Variants in RFC1 observed in about 807,000 individuals in gnomAD.
RFC1 encodes the protein replication factor C subunit 1, also known as A1 140 kDa subunit.
Under a neutral mutation model 137.4 loss-of-function variants are expected in RFC1, and 37 were observed. The observed-to-expected ratio is 0.27, with a 90% CI of 0.21 to 0.35. The LOEUF (loss-of-function observed/expected upper bound fraction) is 0.35. Among genes scored for constraint, RFC1 ranks in the 10% least tolerant of loss-of-function variants. RFC1 has a pLI of 1.00. For synonymous variants in RFC1, 429 were observed against 455.7 expected, an observed-to-expected ratio of 0.94 and a Z score of 0.75; for missense variants, 1,205 against 1,358.5, an observed-to-expected ratio of 0.89 and a Z score of 1.78.
chr4:39,324,327 C>G (rs1353923655), intron 6 of RFC1, among the ~76,000 whole-genome samples: 1 of 152,092 alleles, frequency 6.6e-6, no homozygotes, highest in Non-Finnish European at 1.5e-5. Flanking sequence ...ATAAATTACC[C>G]AAACAAGATT....
At chr4:39,303,973 TATAAA>T (rs1738504397) in intron 15 of RFC1, among the ~76,000 whole-genome samples, 1 of 152,208 alleles carries the variant, frequency 6.6e-6, no homozygotes, top group African/African-American at 2.4e-5. Flanking sequence ...ACTTTGCACA[TATAAA>T]ATAATAGCTA....
intron 3 of RFC1, 118 bp from the exon 4 acceptor site, chr4:39,342,585 T>A: frequency 2.1e-6 from 2 of 957,800 alleles, no homozygotes; most frequent in Non-Finnish European, 3.1e-6. Flanking sequence ...ACATGTCTTC[T>A]GTGAATTCTC....
chr4:39,303,298 GAAA>G (rs756287750), intron 15 of RFC1, 147 bp from the exon 16 acceptor site: 562 of 404,332 alleles, frequency 1.4e-3, no homozygotes, highest in East Asian at 2.0e-3. Context: ...TGTTGTTAAA[GAAA>G]AAAAAAAAAA....
intron 15 of RFC1, among the ~76,000 whole-genome samples, chr4:39,304,329 C>A (rs1442051717): frequency 1.3e-5 from 2 of 152,198 alleles, no homozygotes; most frequent in Non-Finnish European, 2.9e-5. Context: ...TCTTCCACCT[C>A]CAAATAGTTT....
intron 15 of RFC1, 92 bp from the exon 16 acceptor site, chr4:39,303,243 T>C: frequency 1.2e-6 from 1 of 810,814 alleles, no homozygotes; most frequent in Non-Finnish European, 2.1e-6. Flanking sequence ...GTAACAGATA[T>C]TAAACTTCAA....
intron 24 of RFC1, 21 bp from the exon 25 acceptor site, chr4:39,288,865 A>G: frequency 6.9e-7 from 1 of 1,446,344 alleles, no homozygotes. Context: ...GAAGATAACA[A>G]AATAGTTAAT....
At chr4:39,298,201 G>A (rs1738133924) in intron 21 of RFC1, among the ~76,000 whole-genome samples, 1 of 151,386 alleles carries the variant, frequency 6.6e-6, no homozygotes, top group Non-Finnish European at 1.5e-5. Flanking sequence ...CCAGCTACTT[G>A]CAGGGCTGAG....
At position 39,288,726 on chromosome 4, in the gene RFC1, G is replaced by A. The variant is rs749722940; in HGVS notation, c.*35C>T. On this transcript the variant is annotated 3_prime_UTR_variant, in exon 25 of 25. Coordinates refer to ENST00000349703, the MANE Select transcript of RFC1 (RefSeq NM_002913.5). Reference sequence around the variant, plus strand: ...GACCAGCTGGACTGGTCAGGAGGGAGAGTAAAAAGTGGCTGTCGCTAGTGA... The same window carrying A: ...GACCAGCTGGACTGGTCAGGAGGGAAAGTAAAAAGTGGCTGTCGCTAGTGA... The A allele has an allele frequency of 1.6e-5, 22 of 1,333,362 alleles. No individual in the cohort carries two copies. The highest frequency in any genetic ancestry group is 3.6e-4 in the Middle Eastern group (2 of 5,546). The allele number at this position is 1,333,362 out of a possible 1,614,324, so 82.6% of individuals were successfully genotyped here.
At chr4:39,320,857 T>C (rs1233249243) in intron 8 of RFC1, among the ~76,000 whole-genome samples, 188 bp from the exon 9 acceptor site, 1 of 152,202 alleles carries the variant, frequency 6.6e-6, no homozygotes, top group Non-Finnish European at 1.5e-5. Context: ...TAAGATCATC[T>C]AGACTAGCAG....
chr4:39,365,572 T>G, intron 1 of RFC1: 1 of 755,540 alleles, frequency 1.3e-6, no homozygotes, highest in Non-Finnish European at 1.6e-6. Flanking sequence ...ATTTTAAACA[T>G]CAGGTGGTAA....
chr4:39,356,044 A>C (rs1009716846), intron 1 of RFC1: 1 of 150,446 alleles, frequency 6.6e-6, no homozygotes, highest in Non-Finnish European at 1.5e-5. Context: ...TATGGAAGGC[A>C]ATCTAGCCAC....
chr4:39,339,273 T>C (rs975654131), intron 4 of RFC1, among the ~76,000 whole-genome samples: 6 of 152,162 alleles, frequency 3.9e-5, no homozygotes, highest in Non-Finnish European at 7.4e-5. Flanking sequence ...GAAGAGAGAC[T>C]GCTGGGTCAT....
At chr4:39,289,095 A>C (rs1737525562) in intron 24 of RFC1, among the ~76,000 whole-genome samples, 1 of 152,224 alleles carries the variant, frequency 6.6e-6, no homozygotes, top group Non-Finnish European at 1.5e-5. Context: ...TTCCCCATGT[A>C]AGACAGTTTC....
chr4:39,341,162 T>C (rs1560615240), intron 4 of RFC1, among the ~76,000 whole-genome samples: 1 of 152,214 alleles, frequency 6.6e-6, no homozygotes, highest in East Asian at 1.9e-4. Context: ...ACAGCCCTGA[T>C]CCACAGTTGA....
At chr4:39,304,025 G>T (rs1027262776) in intron 15 of RFC1, among the ~76,000 whole-genome samples, 1 of 152,172 alleles carries the variant, frequency 6.6e-6, no homozygotes, top group South Asian at 2.1e-4. Context: ...TAGACGGTAT[G>T]TGTAATTTGA....
At chr4:39,306,812 T>C (rs185684588) in intron 13 of RFC1, 111 bp from the exon 14 acceptor site, 1 of 665,544 alleles carries the variant, frequency 1.5e-6, no homozygotes, top group Admixed American at 2.5e-5. Flanking sequence ...TCCTCCAGTT[T>C]AGTTCTAAAT....
chr4:39,332,401 C>G (rs921213077), intron 4 of RFC1, among the ~76,000 whole-genome samples: 1 of 152,144 alleles, frequency 6.6e-6, no homozygotes, highest in Non-Finnish European at 1.5e-5. Context: ...TTTTTATTTA[C>G]TATTAATAAG....
intron 22 of RFC1, among the ~76,000 whole-genome samples, chr4:39,292,999 A>G (rs986583268): frequency 2.6e-5 from 4 of 152,124 alleles, no homozygotes; most frequent in African/African-American, 7.2e-5. Flanking sequence ...CAGAAGCAAA[A>G]AGAAATGATT....
rs781161283 is a variant in RFC1, at chr4:39,295,628, C to G, written c.2940G>C (p.Leu980Phe). Reference sequence around the variant, plus strand: ...ATCCCACCTACCTGAGACTCATATGCAAGGCCAGGTCCTGAACAATACGAT... The same window carrying G: ...ATCCCACCTACCTGAGACTCATATGGAAGGCCAGGTCCTGAACAATACGAT... ...KHDRIVQDLA[L>F]HMSLRTYSSK... The change falls in exon 22 of 25, where the codon TTG (leucine) becomes TTC (phenylalanine). Residue 980 changes from leucine (L) to phenylalanine (F), a missense_variant. Transcript: ENST00000349703. The G allele has an allele frequency of 4.4e-6, 7 of 1,607,212 alleles. No homozygotes were observed. Among genetic ancestry groups the G allele is most frequent in the Non-Finnish European group, 5.9e-6 (7 of 1,176,562 alleles).
Sources: allele counts gnomAD v4.1 joint callset (sites outside exome capture counted in the v4.1 genomes callset), GRCh38; gene constraint gnomAD v4.1.1; transcripts MANE v1.5; gene names NCBI Gene and HGNC (gene_info 2026-07-23, HGNC 2026-07-21).